CAMSAP1: variants seen among roughly 807,000 people sequenced by gnomAD.
CAMSAP1 encodes calmodulin-regulated spectrin-associated protein 1.
CAMSAP1 carries 58 observed loss-of-function variants against 143.5 expected under a neutral mutation model. The ratio of observed to expected loss-of-function variants is 0.40; its 90% confidence interval spans 0.33 to 0.50. CAMSAP1 has a LOEUF of 0.50. Ranked by LOEUF, CAMSAP1 falls within the 20% of genes least tolerant of loss-of-function variation. The pLI is 0.45. For missense variants in CAMSAP1, 1,969 were observed against 2,115.7 expected (o/e 0.93, Z 1.36); for synonymous variants, 945 against 859.3 (o/e 1.10, Z -1.74).
In CAMSAP1 at chr9:135,828,953, C is replaced by T. The variant is rs370138433; in HGVS notation, c.1046-1369G>A. ...CCCCAACCAAGAACATTTTATCTGGCGAAGCAATACTTCAGAAACACAGAG... is the reference window on the plus strand; with the variant it reads ...CCCCAACCAAGAACATTTTATCTGGTGAAGCAATACTTCAGAAACACAGAG... On this transcript the variant is annotated intron_variant, in intron 7 of 16. Transcript: ENST00000389532. 2.1e-4 allele frequency among the ~76,000 whole-genome samples: 32 copies of T among 152,180 alleles called. No individual in the cohort carries two copies. The Middle Eastern group carries it at 0.01, about 49-fold the overall frequency.
intron 3 of CAMSAP1, among the ~76,000 whole-genome samples, chr9:135,875,097 C>T (rs1459201207): frequency 6.6e-6 from 1 of 152,196 alleles, no homozygotes; most frequent in African/African-American, 2.4e-5. Flanking sequence ...TCCCGAAATT[C>T]ATCTAGCTTC....
chr9:135,817,724 A>G (rs2131643590), intron 14 of CAMSAP1: 2 of 438,192 alleles, frequency 4.6e-6, no homozygotes, highest in Non-Finnish European at 8.3e-6. Flanking sequence ...ACGATGAAGA[A>G]GCAGGTGTGC....
intron 3 of CAMSAP1, among the ~76,000 whole-genome samples, chr9:135,871,021 C>T (rs938214473): frequency 1.3e-5 from 2 of 152,078 alleles, no homozygotes; most frequent in Non-Finnish European, 2.9e-5. Context: ...AAATACTATC[C>T]CCTCTTCCAA....
At position 135,818,833 on chromosome 9, in the gene CAMSAP1, C is replaced by A. The variant is rs2131646708; in HGVS notation, c.3959+177G>T. On this transcript the variant is annotated intron_variant, in intron 12 of 16. Coordinates refer to ENST00000389532, the MANE Select transcript of CAMSAP1 (RefSeq NM_015447.4). This position sits in a 1 kb window ranked among gnomAD's most constrained non-coding sequence, Gnocchi z 7.7. ...CTCCCTGGCCACCGGCAACGCACGT[C>A]CTCACTGAAGATCAGCAGGGGCCGT... 6.6e-6 allele frequency among the ~76,000 whole-genome samples: 1 copy of A among 152,326 alleles called. No individual in the cohort carries two copies. Among genetic ancestry groups the A allele is most frequent in the Admixed American group, 6.5e-5 (1 of 15,310 alleles).
intron 4 of CAMSAP1, among the ~76,000 whole-genome samples, chr9:135,863,466 C>T (rs1837269170): frequency 6.6e-6 from 1 of 152,158 alleles, no homozygotes; most frequent in Non-Finnish European, 1.5e-5. Flanking sequence ...ATTTTCTCCA[C>T]AGGAGGAAAA....
At chr9:135,838,462 G>T (rs1273883029) in intron 7 of CAMSAP1, among the ~76,000 whole-genome samples, 2 of 124,200 alleles carry the variant, frequency 1.6e-5, no homozygotes, top group Admixed American at 1.8e-4. Flanking sequence ...CTTTCCACCT[G>T]TTCTACAGAC....
chr9:135,818,212 G>A lies in CAMSAP1; in HGVS notation c.4169-133C>T, dbSNP rs553763121. The A allele has an allele frequency of 6.9e-6, 8 of 1,156,964 alleles. No individual in the cohort carries two copies. Among genetic ancestry groups the A allele is most frequent in the South Asian group, 1.5e-5 (1 of 66,262 alleles). The allele number at this position is 1,156,964 out of a possible 1,614,324, so 71.7% of individuals were successfully genotyped here. On this transcript the variant is annotated intron_variant, in intron 13 of 16. Transcript: ENST00000389532. This position sits in a 1 kb window ranked among gnomAD's most constrained non-coding sequence, Gnocchi z 7.7. ...GGCCGCGTCCCCACCCCATCCCGGG[G>A]AGCCGGGCTGCGCCTGGATGTGCCG...
At chr9:135,869,434 C>T (rs767428200) in intron 3 of CAMSAP1, among the ~76,000 whole-genome samples, 5 of 150,514 alleles carry the variant, frequency 3.3e-5, no homozygotes, top group African/African-American at 4.9e-5. Context: ...ACCCAGGAGG[C>T]AGAGGTTGCA....
chr9:135,899,733 T>C (rs995683940), intron 1 of CAMSAP1, among the ~76,000 whole-genome samples: 2 of 152,108 alleles, frequency 1.3e-5, no homozygotes, highest in African/African-American at 4.8e-5. Flanking sequence ...TCCCCTCCAC[T>C]TCCCCCTATT....
intron 5 of CAMSAP1, among the ~76,000 whole-genome samples, chr9:135,851,322 G>A (rs559837182): frequency 2.6e-5 from 4 of 152,244 alleles, no homozygotes; most frequent in South Asian, 4.1e-4. Context: ...TTAGAAGTAC[G>A]TACAAACTGG....
chr9:135,879,623 T>G (rs748485582), intron 3 of CAMSAP1, among the ~76,000 whole-genome samples: 13 of 151,154 alleles, frequency 8.6e-5, no homozygotes, highest in Non-Finnish European at 1.5e-4. Context: ...CTACACAAAC[T>G]AATAGAAAGG....
In CAMSAP1 at chr9:135,836,326, G is replaced by A. The variant is rs946576340; in HGVS notation, c.1046-8742C>T. 18 of 977,692 alleles carry A rather than the reference G, an allele frequency of 1.8e-5. No homozygotes were observed. In the East Asian group the frequency reaches 1.2e-3, roughly 65 times the overall value. The allele number at this position is 977,692 out of a possible 1,614,324, so 60.6% of individuals were successfully genotyped here. Reference sequence around the variant, plus strand: ...CTGTTCTACAGACACACGTCACCACGCGCCTTCTACCCATTCCGCAGCCAC... The same window carrying A: ...CTGTTCTACAGACACACGTCACCACACGCCTTCTACCCATTCCGCAGCCAC... On this transcript the variant is annotated intron_variant, in intron 7 of 16. Coordinates refer to ENST00000389532, the MANE Select transcript of CAMSAP1 (RefSeq NM_015447.4).
chr9:135,834,954 C>T (rs1167412952), intron 7 of CAMSAP1, among the ~76,000 whole-genome samples: 1 of 152,166 alleles, frequency 6.6e-6, no homozygotes, highest in Non-Finnish European at 1.5e-5. Context: ...TCCAACAAAG[C>T]CCTTGCCTGG....
rs567536649 is a variant in CAMSAP1, at chr9:135,820,677, C to T, written c.3822+162G>A. Among the ~76,000 whole-genome samples, 68 of 152,310 alleles carry T rather than the reference C, an allele frequency of 4.5e-4. No homozygotes were observed. Among genetic ancestry groups the T allele is most frequent in the Non-Finnish European group, 7.8e-4 (53 of 68,030 alleles). ...ACTGCTTCTGGCCAAGTGGAGTCCT[C>T]GGGACAGAGACTCTGTGGCCCACAA... On this transcript the variant is annotated intron_variant, in intron 11 of 16. Coordinates refer to ENST00000389532, the MANE Select transcript of CAMSAP1 (RefSeq NM_015447.4). This position sits in a 1 kb window ranked among gnomAD's most constrained non-coding sequence, Gnocchi z 4.4.
rs145350427 is a variant in CAMSAP1, at chr9:135,821,223, C to T, written c.3438G>A (p.Thr1146=). 3.5e-4 allele frequency: 558 copies of T among 1,608,206 alleles called. No homozygotes were observed. The highest frequency in any genetic ancestry group is 4.4e-4 in the Non-Finnish European group (515 of 1,179,800). ...FPASSHPRTP[T]DPGLDSALEP... is the part of the protein sequence containing the mutation. Reference sequence around the variant, plus strand: ...CCAGGGCACTGTCCAGGCCAGGGTCCGTGGGCGTCCGAGGGTGGCTGCTGG... The same window carrying T: ...CCAGGGCACTGTCCAGGCCAGGGTCTGTGGGCGTCCGAGGGTGGCTGCTGG... The change falls in exon 11 of 17, where the codon ACG becomes ACA. Residue 1146 remains threonine, a synonymous_variant. Transcript: ENST00000389532. The surrounding 1 kb of genome is among the most constrained non-coding windows in gnomAD (Gnocchi z 4.6).
chr9:135,819,798 G>A (rs1188326714), intron 11 of CAMSAP1, among the ~76,000 whole-genome samples: 1 of 150,924 alleles, frequency 6.6e-6, no homozygotes, highest in South Asian at 2.1e-4. Flanking sequence ...AGTGAGCCAA[G>A]ATCATGCCCT....
intron 5 of CAMSAP1, among the ~76,000 whole-genome samples, chr9:135,852,815 T>C (rs1433480988): frequency 6.6e-6 from 1 of 152,058 alleles, no homozygotes; most frequent in Non-Finnish European, 1.5e-5. Flanking sequence ...AGCAACAAAA[T>C]AAATAATGAA....
chr9:135,896,611 CCT>C (rs1386224175), intron 1 of CAMSAP1, among the ~76,000 whole-genome samples: 151 of 152,288 alleles, frequency 9.9e-4, no homozygotes, highest in African/African-American at 3.2e-3. Context: ...GAGAACATAT[CCT>C]AGGCCACAAG....
At chr9:135,905,176 C>T (rs993210950) in intron 1 of CAMSAP1, among the ~76,000 whole-genome samples, 1 of 152,184 alleles carries the variant, frequency 6.6e-6, no homozygotes, top group Admixed American at 6.5e-5. Flanking sequence ...ATTGTGAATT[C>T]ATCATCCGAT....
Sources: gnomAD v4.1 joint callset for allele counts (sites outside exome capture counted in the v4.1 genomes callset) on GRCh38, gnomAD v4.1.1 for gene constraint, Gnocchi (gnomAD v3.1) non-coding constraint, MANE v1.5 for transcripts, NCBI Gene and HGNC (gene_info 2026-07-23, HGNC 2026-07-21) for gene names.